PRR3: variants seen among roughly 807,000 people sequenced by gnomAD.
The protein encoded by PRR3 is proline rich 3.
A neutral mutation model predicts 22.4 loss-of-function variants in PRR3; 16 were observed. The observed-to-expected ratio is 0.71, with a 90% CI of 0.48 to 1.09. The LOEUF (loss-of-function observed/expected upper bound fraction) is 1.09, where lower values mean the gene tolerates loss of function less well. Ranked by LOEUF, PRR3 falls within the 50% of genes least tolerant of loss-of-function variation. The pLI, the probability that PRR3 is intolerant of heterozygous loss-of-function variation, is 0.00. For synonymous variants in PRR3, 87 were observed against 88.6 expected (o/e 0.98, Z 0.10); for missense variants, 224 against 243.4 (o/e 0.92, Z 0.53).
intron 2 of PRR3, among the ~76,000 whole-genome samples, chr6:30,558,944 A>C (rs568862468): frequency 2.0e-5 from 3 of 152,370 alleles, no homozygotes; most frequent in Non-Finnish European, 4.4e-5. Context: ...TGTAGATCTA[A>C]GTATAAAAGG....
rs1438255539 is a variant in PRR3, at chr6:30,561,901, T to G, written c.237T>G (p.Pro79=). The part of the protein sequence containing the change: ...LIPPLLSLPP[P]PWGRGPIRRG... ...CACCACTGCTGAGTCTCCCACCTCC[T>G]CCTTGGGGTAGAGGCCCAATTCGGA... The change falls in exon 3 of 4, where the codon CCT becomes CCG. Residue 79 remains proline (P), a synonymous_variant. Transcript: ENST00000376560. The surrounding 1 kb of genome is among the most constrained non-coding windows in gnomAD (Gnocchi z 4.0). 10 of 1,611,100 alleles carry G rather than the reference T, an allele frequency of 6.2e-6. No homozygotes were observed. The highest frequency in any genetic ancestry group is 8.5e-6 in the Non-Finnish European group (10 of 1,179,212).
At chr6:30,558,353 A>G in intron 2 of PRR3, 141 bp downstream of exon 2, 1 of 672,798 alleles carries the variant, frequency 1.5e-6, no homozygotes, top group South Asian at 1.8e-5. Flanking sequence ...ATATTTGCTG[A>G]TTTAAAAACT....
In PRR3 at chr6:30,562,000, G is replaced by T. The variant is rs1462507173; in HGVS notation, c.336G>T (p.Gly112=). The T allele has an allele frequency of 6.2e-7, 1 of 1,613,010 alleles. No individual in the cohort carries two copies. Among genetic ancestry groups the T allele is most frequent in the Non-Finnish European group, 8.5e-7 (1 of 1,180,016 alleles). ...WGVNAEPPFP[G]PGHGGPTRGS... is the part of the protein sequence containing the mutation. ...TCAATGCAGAACCTCCTTTTCCGGG[G>T]CCAGGCCATGGGGGTCCCACCAGGG... Residue 112 remains glycine (G), a synonymous_variant, in exon 3 of 4, where the codon GGG becomes GGT. Coordinates refer to ENST00000376560, the MANE Select transcript of PRR3 (RefSeq NM_025263.4). This position sits in a 1 kb window ranked among gnomAD's most constrained non-coding sequence, Gnocchi z 4.0.
At chr6:30,560,474 T>A (rs1229608708) in intron 2 of PRR3, 1 of 152,034 alleles carries the variant, frequency 6.6e-6, no homozygotes, top group East Asian at 1.9e-4. Context: ...GTACAGAGTT[T>A]CAGTTTTGCA....
rs1405548531 is a variant in PRR3 at position 30,563,625 on chromosome 6, G to C, written c.*1130G>C. The C allele has an allele frequency of 6.6e-6, 1 of 152,126 alleles. No homozygotes were observed. Among genetic ancestry groups the C allele is most frequent in the Non-Finnish European group, 1.5e-5 (1 of 67,962 alleles). The allele number at this position is 152,126 out of a possible 1,614,324, so 9.4% of individuals were successfully genotyped here. ...TTGTATTGGCAAGAGGGAGGGGTGA[G>C]AGCTGTTGGAGAACTGAGAATGAGG... is the stretch of plus-strand genomic sequence containing the variant. On this transcript the variant is annotated 3_prime_UTR_variant, in exon 4 of 4. Coordinates refer to ENST00000376560, the MANE Select transcript of PRR3 (RefSeq NM_025263.4).
In PRR3 at chr6:30,561,371, G is replaced by C. The variant is rs1282584052; in HGVS notation, c.170-463G>C. 2.2e-6 allele frequency: 1 copy of C among 463,242 alleles called. No homozygotes were observed. The highest frequency in any genetic ancestry group is 4.3e-6 in the Non-Finnish European group (1 of 231,842). 28.7% of individuals were successfully genotyped at this position (463,242 alleles called of 1,614,324 possible). A position where few individuals can be genotyped will look rare whatever the true frequency, so the allele number is the denominator to read the frequency against. On this transcript the variant is annotated intron_variant, in intron 2 of 3. Coordinates refer to ENST00000376560, the MANE Select transcript of PRR3 (RefSeq NM_025263.4). This position sits in a 1 kb window ranked among gnomAD's most constrained non-coding sequence, Gnocchi z 4.0. Reference sequence around the variant, plus strand: ...CCACATGTCCATCATCAGTAGAATGGATAAATAAATTGTTGTGTATGCATG... The same window carrying C: ...CCACATGTCCATCATCAGTAGAATGCATAAATAAATTGTTGTGTATGCATG...
chr6:30,559,003 A>G (rs1800443367), intron 2 of PRR3, among the ~76,000 whole-genome samples: 1 of 152,272 alleles, frequency 6.6e-6, no homozygotes, highest in African/African-American at 2.4e-5. Flanking sequence ...AAGAGTAGCT[A>G]AGAGTTCTTA....
At chr6:30,560,049 C>T (rs954678429) in intron 2 of PRR3, 2 of 152,230 alleles carry the variant, frequency 1.3e-5, no homozygotes, top group African/African-American at 4.8e-5. Context: ...GTGTATTATT[C>T]CACTTATCTG....
rs199806431 is a variant in PRR3, at chr6:30,562,056, G to A, written c.392G>A (p.Arg131Gln). 24 of 1,612,360 alleles carry A rather than the reference G, an allele frequency of 1.5e-5. No homozygotes were observed. Among genetic ancestry groups the A allele is most frequent in the East Asian group, 2.2e-5 (1 of 44,902 alleles). The change falls in exon 3 of 4, where the codon CGA becomes CAA. Residue 131 changes from arginine to glutamine, a missense_variant. Arg to Gln is a conservative substitution (Grantham distance 43). Coordinates refer to ENST00000376560, the MANE Select transcript of PRR3 (RefSeq NM_025263.4). ...TTTCACAAGGAACAGAGAAACCCTC[G>A]AAGGCTCAAAAGCTGGTCTCTTATC... ...GSFHKEQRNP[R>Q]RLKSWSLIKN... is the part of the protein sequence containing the mutation.
intron 3 of PRR3, 73 bp from the exon 4 acceptor site, chr6:30,562,314 CTG>C: frequency 2.4e-6 from 3 of 1,248,240 alleles, no homozygotes; most frequent in Non-Finnish European, 2.3e-6. Flanking sequence ...AGTTCTCCTT[CTG>C]TCTCTGCGTT....
rs1449504495 is a variant in PRR3, at chr6:30,561,756, A to AT, written c.170-71dup. On this transcript the variant is annotated intron_variant, in intron 2 of 3. Transcript: ENST00000376560. This position sits in a 1 kb window ranked among gnomAD's most constrained non-coding sequence, Gnocchi z 4.0. ...TGTATGCTGTTCTTCAATAAAAAAAATTTTTTTAATCACGGTTTATCAGGA... is the reference window on the plus strand; with the variant it reads ...TGTATGCTGTTCTTCAATAAAAAAAATTTTTTTTAATCACGGTTTATCAGGA... 7.2e-7 allele frequency: 1 copy of AT among 1,379,952 alleles called. No homozygotes were observed. Among genetic ancestry groups the AT allele is most frequent in the Admixed American group, 2.9e-5 (1 of 34,728 alleles). 85.5% of individuals were successfully genotyped at this position (1,379,952 alleles called of 1,614,324 possible).
chr6:30,558,714 G>T (rs1440766871), intron 2 of PRR3, among the ~76,000 whole-genome samples: 1 of 152,182 alleles, frequency 6.6e-6, no homozygotes, highest in Admixed American at 6.5e-5. Context: ...TTACAACGAT[G>T]CAGTTTGGAA....
intron 2 of PRR3, among the ~76,000 whole-genome samples, chr6:30,558,786 A>G (rs1186386595): frequency 6.6e-6 from 1 of 152,216 alleles, no homozygotes; most frequent in African/African-American, 2.4e-5. Flanking sequence ...AGGCCCATAC[A>G]TGTGTGGACA....
chr6:30,561,773 T>G lies in PRR3; in HGVS notation c.170-61T>G, dbSNP rs769318259. 1.9e-5 allele frequency: 27 copies of G among 1,452,978 alleles called. No individual in the cohort carries two copies. The highest frequency in any genetic ancestry group is 2.3e-5 in the Non-Finnish European group (25 of 1,098,854). The allele number at this position is 1,452,978 out of a possible 1,614,324, so 90.0% of individuals were successfully genotyped here. On this transcript the variant is annotated intron_variant, in intron 2 of 3. Transcript: ENST00000376560. This position sits in a 1 kb window ranked among gnomAD's most constrained non-coding sequence, Gnocchi z 4.0. ...TAAAAAAAATTTTTTTAATCACGGT[T>G]TATCAGGATTCAGCTGCCCATTAGA...
In PRR3 at chr6:30,563,031, T is replaced by C. The variant is rs1330944811; in HGVS notation, c.*536T>C. The C allele has an allele frequency of 2.0e-5, 3 of 152,916 alleles. No homozygotes were observed. The highest frequency in any genetic ancestry group is 6.5e-5 in the Admixed American group (1 of 15,274). 9.5% of individuals were successfully genotyped at this position (152,916 alleles called of 1,614,324 possible). ...GCAGAGTTACTTCCTAAAAGGCCACTCTCCCTGCCTTTGGATTTCATAGTT... is the reference window on the plus strand; with the variant it reads ...GCAGAGTTACTTCCTAAAAGGCCACCCTCCCTGCCTTTGGATTTCATAGTT... On this transcript the variant is annotated 3_prime_UTR_variant, in exon 4 of 4. Transcript: ENST00000376560.
rs1313026566 is a variant in PRR3, at chr6:30,558,138, G to A, written c.107-12G>A. ...TCCATTCTGATGACCATATTTTCAT[G>A]TCTGCTCTTAGGACCACCCAGCCTT... On this transcript the variant is annotated splice_polypyrimidine_tract_variant and intron_variant, in intron 1 of 3. Transcript: ENST00000376560. 2 of 1,610,290 alleles carry A rather than the reference G, an allele frequency of 1.2e-6. No individual in the cohort carries two copies. The highest frequency in any genetic ancestry group is 1.3e-5 in the African/African-American group (1 of 74,862).
At chr6:30,558,844 A>G (rs1800428897) in intron 2 of PRR3, among the ~76,000 whole-genome samples, 1 of 152,212 alleles carries the variant, frequency 6.6e-6, no homozygotes, top group Admixed American at 6.5e-5. Flanking sequence ...TTTTCAATAA[A>G]TGATATTGGA....
Position 30,561,971 on chromosome 6 carries a change from G to A in PRR3, c.307G>A (p.Gly103Arg), listed in dbSNP as rs950028926. ...RSSPYGRGWW[G>R]VNAEPPFPGP... is the part of the protein sequence containing the mutation. The stretch of plus-strand genomic sequence containing the variant: ...TAGCCCATATGGTCGTGGTTGGTGG[G>A]GAGTCAATGCAGAACCTCCTTTTCC... Residue 103 changes from glycine to arginine, a missense_variant, in exon 3 of 4, where the codon GGA becomes AGA. Physicochemically the swap from Gly to Arg is moderately radical, Grantham distance 125. Transcript: ENST00000376560. The surrounding 1 kb of genome is among the most constrained non-coding windows in gnomAD (Gnocchi z 4.0). 2 of 1,612,920 alleles carry A rather than the reference G, an allele frequency of 1.2e-6. No individual in the cohort carries two copies. The highest frequency in any genetic ancestry group is 2.2e-5 in the East Asian group (1 of 44,904).
chr6:30,561,802 CT>C lies in PRR3; in HGVS notation c.170-29del, dbSNP rs1291851830. 1 of 1,493,456 alleles carries C rather than the reference CT, an allele frequency of 6.7e-7. No homozygotes were observed. The allele number at this position is 1,493,456 out of a possible 1,614,324, so 92.5% of individuals were successfully genotyped here. The stretch of plus-strand genomic sequence containing the variant: ...CAGGATTCAGCTGCCCATTAGACAC[CT>C]TTCTGTGTCTCTCTCTCTCTCTCTC... On this transcript the variant is annotated intron_variant, in intron 2 of 3. Coordinates refer to ENST00000376560, the MANE Select transcript of PRR3 (RefSeq NM_025263.4). The surrounding 1 kb of genome is among the most constrained non-coding windows in gnomAD (Gnocchi z 4.0).
Sources: gnomAD v4.1 joint callset for allele counts (sites outside exome capture counted in the v4.1 genomes callset) on GRCh38, gnomAD v4.1.1 for gene constraint, Gnocchi (gnomAD v3.1) non-coding constraint, MANE v1.5 for transcripts, NCBI Gene and HGNC (gene_info 2026-07-23, HGNC 2026-07-21) for gene names.